Variants in SNX29 observed in about 807,000 individuals in gnomAD.
SNX29 encodes the protein sorting nexin-29.
SNX29 carries 78 observed loss-of-function variants against 102.1 expected under a neutral mutation model. The observed-to-expected ratio is 0.76, with a 90% CI of 0.64 to 0.92. The LOEUF (loss-of-function observed/expected upper bound fraction) is 0.92, where lower values mean the gene tolerates loss of function less well. SNX29 is among the 40% of genes least tolerant of loss of function. The pLI, the probability that SNX29 is intolerant of heterozygous loss-of-function variation, is 0.00. For synonymous variants in SNX29, 580 were observed against 414.5 expected (o/e 1.40, Z -4.85); for missense variants, 1,280 against 1,061.7 (o/e 1.21, Z -2.86).
intron 20 of SNX29, among the ~76,000 whole-genome samples, chr16:12,546,972 C>G (rs926564477): frequency 2.0e-5 from 3 of 152,198 alleles, no homozygotes; most frequent in Admixed American, 6.5e-5. Flanking sequence ...CCACCCATTC[C>G]TCCAATTAGT....
At chr16:11,978,886 C>CA (rs1567486746) in intron 1 of SNX29, among the ~76,000 whole-genome samples, 1 of 151,956 alleles carries the variant, frequency 6.6e-6, no homozygotes, top group Non-Finnish European at 1.5e-5. Context: ...GATCAAGCCA[C>CA]TGCACTCCAG....
chr16:12,410,510 A>T (rs2151543278), intron 18 of SNX29, among the ~76,000 whole-genome samples: 1 of 152,220 alleles, frequency 6.6e-6, no homozygotes, highest in East Asian at 1.9e-4. Flanking sequence ...GCAGTGGCAC[A>T]ATCATGGCTC....
chr16:12,194,498 G>C (rs1478349663), intron 13 of SNX29, among the ~76,000 whole-genome samples: 1 of 152,030 alleles, frequency 6.6e-6, no homozygotes, highest in Non-Finnish European at 1.5e-5. Context: ...TCACCAGCTA[G>C]AATCTACTGT....
chr16:12,421,754 TCATCATCACCATCATTAC>T (rs2084879222), intron 18 of SNX29, among the ~76,000 whole-genome samples: 1 of 152,076 alleles, frequency 6.6e-6, no homozygotes, highest in Middle Eastern at 3.2e-3. Context: ...ACCATCATTA[TCATCATCACCATCATTAC>T]CAGTTATCAT....
chr16:12,133,281 G>GTTTTT (rs57733463), intron 13 of SNX29, among the ~76,000 whole-genome samples: 761 of 66,888 alleles, frequency 0.011, 65 homozygotes, highest in East Asian at 0.045. Context: ...CTTAGTGTGG[G>GTTTTT]TTTTTTTTTT....
Position 12,273,766 on chromosome 16 carries a change from C to T in SNX29, c.1679-4167C>T, listed in dbSNP as rs1019184488. On this transcript the variant is annotated intron_variant, in intron 14 of 20. Transcript: ENST00000566228. ...TGATACCCTTTAGCAGTAGGGTCTT[C>T]ATCCCTCCTTCCCCCAGACCCTGGC... 3.9e-5 allele frequency among the ~76,000 whole-genome samples: 6 copies of T among 152,338 alleles called. 1 individual carries two copies. In the South Asian group the frequency reaches 1.0e-3, roughly 26 times the overall value.
chr16:12,476,420 A>ATATATATATATATACG (rs2087638017), intron 18 of SNX29, among the ~76,000 whole-genome samples: 3 of 56,100 alleles, frequency 5.3e-5, no homozygotes, highest in Middle Eastern at 8.6e-3. Context: ...ATACATATAT[A>ATATATATATATATACG]TATATATATA....
intron 14 of SNX29, among the ~76,000 whole-genome samples, chr16:12,243,912 A>C (rs1285887200): frequency 5.9e-5 from 9 of 152,168 alleles, no homozygotes; most frequent in Non-Finnish European, 1.5e-5. Flanking sequence ...ACCATTGTCA[A>C]ATGTCATGGA....
chr16:12,242,296 A>G (rs1227221042), intron 14 of SNX29, among the ~76,000 whole-genome samples: 1 of 149,054 alleles, frequency 6.7e-6, no homozygotes, highest in East Asian at 2.0e-4. Flanking sequence ...TTATTTATTT[A>G]TTTATTTATT....
At chr16:12,134,869 G>T (rs902222618) in intron 13 of SNX29, among the ~76,000 whole-genome samples, 4 of 152,164 alleles carry the variant, frequency 2.6e-5, no homozygotes, top group African/African-American at 9.7e-5. Context: ...CTCTAGAAAG[G>T]GGTTTATCGT....
At chr16:12,405,113 C>A (rs908897508) in intron 18 of SNX29, among the ~76,000 whole-genome samples, 1 of 152,206 alleles carries the variant, frequency 6.6e-6, no homozygotes, top group African/African-American at 2.4e-5. Flanking sequence ...TTATTTGACC[C>A]TTCAAGTTCT....
intron 15 of SNX29, among the ~76,000 whole-genome samples, chr16:12,326,481 T>C (rs150967252): frequency 1.3e-5 from 2 of 152,230 alleles, no homozygotes; most frequent in African/African-American, 4.8e-5. Context: ...ATGTCCGGTG[T>C]GATGGCCATG....
intron 18 of SNX29, among the ~76,000 whole-genome samples, chr16:12,411,340 G>A (rs1271300123): frequency 6.6e-6 from 1 of 152,158 alleles, no homozygotes; most frequent in African/African-American, 2.4e-5. Flanking sequence ...ACTTGCCCTT[G>A]TTCTTGCTGT....
chr16:11,978,295 A>G (rs2055345471), intron 1 of SNX29, among the ~76,000 whole-genome samples: 1 of 152,208 alleles, frequency 6.6e-6, no homozygotes, highest in African/African-American at 2.4e-5. Context: ...GGCTTCCCCC[A>G]GGAGCTGAGG....
At chr16:12,283,028 G>A (rs1337528104) in intron 15 of SNX29, among the ~76,000 whole-genome samples, 4 of 152,184 alleles carry the variant, frequency 2.6e-5, no homozygotes, top group Non-Finnish European at 5.9e-5. Context: ...GAGCACATGG[G>A]TTCTGGAGAG....
intron 19 of SNX29, among the ~76,000 whole-genome samples, chr16:12,492,314 T>C (rs913061542): frequency 7.9e-5 from 12 of 152,262 alleles, no homozygotes; most frequent in Admixed American, 5.2e-4. Context: ...GTTTTTTGGC[T>C]GCATAAATGT....
chr16:12,438,458 C>T (rs1476276417), intron 18 of SNX29, among the ~76,000 whole-genome samples: 1 of 152,180 alleles, frequency 6.6e-6, no homozygotes, highest in Non-Finnish European at 1.5e-5. Flanking sequence ...GACCCCTTTA[C>T]TCTGGCAGAC....
At position 12,534,288 on chromosome 16, in the gene SNX29, C is replaced by T. The variant is rs568367498; in HGVS notation, c.2318+9447C>T. Among the ~76,000 whole-genome samples the T allele has an allele frequency of 6.6e-5, 10 of 152,232 alleles. No homozygotes were observed. The South Asian group carries it at 1.2e-3, about 19-fold the overall frequency. On this transcript the variant is annotated intron_variant, in intron 20 of 20. Transcript: ENST00000566228. ...CGCCGGCACACCTGCCGTCTTTCTC[C>T]GTGTGGGAGACGTGCTCCTAATGAG... is the stretch of plus-strand genomic sequence containing the variant.
At chr16:12,269,622 A>G (rs2079032046) in intron 14 of SNX29, among the ~76,000 whole-genome samples, 1 of 152,166 alleles carries the variant, frequency 6.6e-6, no homozygotes, top group Non-Finnish European at 1.5e-5. Context: ...TGACCAGGGC[A>G]AAATACAAAT....
Sources: gnomAD v4.1 joint callset for allele counts (sites outside exome capture counted in the v4.1 genomes callset) on GRCh38, gnomAD v4.1.1 for gene constraint, MANE v1.5 for transcripts, NCBI Gene and HGNC (gene_info 2026-07-23, HGNC 2026-07-21) for gene names.